Variants in TTC27 observed in about 807,000 individuals in gnomAD.
The protein encoded by TTC27 is tetratricopeptide repeat protein 27.
In TTC27, 79 loss-of-function variants were observed where a neutral mutation model predicts 115.9. The observed-to-expected ratio is 0.68, with a 90% CI of 0.57 to 0.82. TTC27 has a LOEUF of 0.82. Among genes scored for constraint, TTC27 ranks in the 40% least tolerant of loss-of-function variants. TTC27 has a pLI of 0.00. For missense variants in TTC27, 1,054 were observed against 993.1 expected, an observed-to-expected ratio of 1.06 and a Z score of -0.82; for synonymous variants, 401 against 356.0, an observed-to-expected ratio of 1.13 and a Z score of -1.42.
At chr2:32,816,812 C>T (rs969932112) in intron 18 of TTC27, among the ~76,000 whole-genome samples, 2 of 152,178 alleles carry the variant, frequency 1.3e-5, no homozygotes, top group Admixed American at 6.5e-5. Flanking sequence ...TGGCATGTCA[C>T]TTCCTTGGGC....
intron 14 of TTC27, among the ~76,000 whole-genome samples, chr2:32,781,385 T>C (rs191895830): frequency 1.3e-5 from 2 of 152,324 alleles, no homozygotes; most frequent in East Asian, 1.9e-4. Flanking sequence ...ATTTTTTCCC[T>C]TTGGTTATGA....
intron 10 of TTC27, among the ~76,000 whole-genome samples, chr2:32,706,298 G>C (rs1022901552): frequency 6.6e-6 from 1 of 151,710 alleles, no homozygotes; most frequent in African/African-American, 2.4e-5. Context: ...GGCCAGGCTG[G>C]TCTCGAACTC....
At chr2:32,657,993 C>T (rs1665393956) in intron 5 of TTC27, among the ~76,000 whole-genome samples, 1 of 152,198 alleles carries the variant, frequency 6.6e-6, no homozygotes, top group African/African-American at 2.4e-5. Flanking sequence ...GCACGCCCAG[C>T]TAATTTTGTA....
chr2:32,793,477 A>G (rs1437267336), intron 16 of TTC27, among the ~76,000 whole-genome samples: 1 of 152,250 alleles, frequency 6.6e-6, no homozygotes, highest in Admixed American at 6.5e-5. Context: ...CTCAATAAAG[A>G]TAAATATAAG....
At position 32,812,586 on chromosome 2, in the gene TTC27, T is replaced by C. The variant is rs369324392; in HGVS notation, c.2279T>C (p.Val760Ala). 2 of 1,613,924 alleles carry C rather than the reference T, an allele frequency of 1.2e-6. No individual in the cohort carries two copies. Among genetic ancestry groups the C allele is most frequent in the African/African-American group, 2.7e-5 (2 of 74,938 alleles). ...AAAGATATTACATCATTTAAGGAAG[T>C]TGTTCAAAGAGCCTTAGGACTTGCA... ...WEKDITSFKE[V>A]VQRALGLAHV... The change falls in exon 18 of 20, where the codon GTT (valine) becomes GCT (alanine). Residue 760 changes from valine (V) to alanine (A), a missense_variant. Physicochemically the swap from Val to Ala is moderately conservative, Grantham distance 64. Coordinates refer to ENST00000317907, the MANE Select transcript of TTC27 (RefSeq NM_017735.5).
At chr2:32,713,868 A>G (rs936587423) in intron 10 of TTC27, among the ~76,000 whole-genome samples, 24 of 152,182 alleles carry the variant, frequency 1.6e-4, no homozygotes, top group African/African-American at 4.8e-4. Flanking sequence ...TTCGTCACTC[A>G]GGTAATAAGC....
At chr2:32,727,985 A>C (rs1668164275) in intron 10 of TTC27, among the ~76,000 whole-genome samples, 1 of 149,678 alleles carries the variant, frequency 6.7e-6, no homozygotes, top group African/African-American at 2.4e-5. Flanking sequence ...AGTGTGACTG[A>C]TTAAGGGGAC....
intron 16 of TTC27, among the ~76,000 whole-genome samples, chr2:32,803,563 T>G (rs1671030918): frequency 6.6e-6 from 1 of 152,238 alleles, no homozygotes; most frequent in Non-Finnish European, 1.5e-5. Context: ...TGTTTTACTG[T>G]ACTTTTTCAG....
chr2:32,662,597 G>T (rs1208520937), intron 5 of TTC27, among the ~76,000 whole-genome samples: 1 of 152,170 alleles, frequency 6.6e-6, no homozygotes, highest in African/African-American at 2.4e-5. Context: ...TTGTATTTCT[G>T]TGGGATCAGT....
chr2:32,646,011 G>A (rs955215939), intron 4 of TTC27, among the ~76,000 whole-genome samples: 2 of 148,810 alleles, frequency 1.3e-5, no homozygotes, highest in Non-Finnish European at 1.5e-5. Context: ...GAGCCACAGT[G>A]CCCGGCCTCA....
At chr2:32,649,106 A>T (rs1664981964) in intron 4 of TTC27, among the ~76,000 whole-genome samples, 1 of 152,204 alleles carries the variant, frequency 6.6e-6, no homozygotes, top group Admixed American at 6.5e-5. Flanking sequence ...GGTGCTGTCC[A>T]ATATGATGCC....
chr2:32,797,824 A>C (rs1179367644), intron 16 of TTC27, among the ~76,000 whole-genome samples: 1 of 152,206 alleles, frequency 6.6e-6, no homozygotes, highest in African/African-American at 2.4e-5. Flanking sequence ...GTAAAAAGCC[A>C]ACTCACAGAA....
At chr2:32,740,077 C>T (rs531692490) in intron 12 of TTC27, among the ~76,000 whole-genome samples, 15 of 152,216 alleles carry the variant, frequency 9.9e-5, no homozygotes, top group African/African-American at 2.4e-4. Flanking sequence ...TAATTTTGCT[C>T]GACCTTGGTA....
chr2:32,630,838 T>C, intron 2 of TTC27, 138 bp downstream of exon 2: 1 of 744,044 alleles, frequency 1.3e-6, no homozygotes, highest in South Asian at 2.7e-5. Flanking sequence ...TACCAAGTAA[T>C]CTATGTAAAA....
At chr2:32,730,149 G>A (rs781178215) in intron 10 of TTC27, among the ~76,000 whole-genome samples, 31 of 152,084 alleles carry the variant, frequency 2.0e-4, no homozygotes, top group Admixed American at 7.2e-4. Context: ...CAGGCTATTT[G>A]GGCACATGGT....
intron 5 of TTC27, among the ~76,000 whole-genome samples, chr2:32,651,124 C>G (rs1665107603): frequency 6.6e-6 from 1 of 152,092 alleles, no homozygotes; most frequent in South Asian, 2.1e-4. Flanking sequence ...TTGATTTTAG[C>G]TGTGTCTGGT....
At chr2:32,669,377 A>C (rs1295111396) in intron 7 of TTC27, among the ~76,000 whole-genome samples, 4 of 152,212 alleles carry the variant, frequency 2.6e-5, no homozygotes, top group Non-Finnish European at 4.4e-5. Flanking sequence ...TGGAGAGTAC[A>C]AGTTGTATGC....
At chr2:32,793,330 G>A (rs1467675706) in intron 16 of TTC27, among the ~76,000 whole-genome samples, 1 of 152,048 alleles carries the variant, frequency 6.6e-6, no homozygotes, top group Non-Finnish European at 1.5e-5. Flanking sequence ...GAGAAATTAA[G>A]GCATTCCCAG....
rs1219049552 is a variant in TTC27, at chr2:32,741,508, C to T, written c.1452+4692C>T. Among the ~76,000 whole-genome samples the T allele has an allele frequency of 6.6e-5, 10 of 151,938 alleles. No individual in the cohort carries two copies. The East Asian group carries it at 1.6e-3, about 24-fold the overall frequency. On this transcript the variant is annotated intron_variant, in intron 12 of 19. Coordinates refer to ENST00000317907, the MANE Select transcript of TTC27 (RefSeq NM_017735.5). ...AATACAAAAAAAAAAAAAAATTAACCGGACGTGGTGGCATGTGCCTGTAGT... is the reference window on the plus strand; with the variant it reads ...AATACAAAAAAAAAAAAAAATTAACTGGACGTGGTGGCATGTGCCTGTAGT...
Sources: allele counts gnomAD v4.1 joint callset (sites outside exome capture counted in the v4.1 genomes callset), GRCh38; gene constraint gnomAD v4.1.1; transcripts MANE v1.5; gene names NCBI Gene and HGNC (gene_info 2026-07-23, HGNC 2026-07-21).